The following ZMYND8 variants were observed in gnomAD, a reference collection of about 807,000 sequenced individuals.
The protein encoded by ZMYND8 is MYND-type zinc finger-containing chromatin reader ZMYND8.
In ZMYND8, 37 loss-of-function variants were observed where a neutral mutation model predicts 140.8. The ratio of observed to expected loss-of-function variants is 0.26; its 90% CI spans 0.20 to 0.35. The LOEUF (loss-of-function observed/expected upper bound fraction) is 0.35, where lower values mean the gene tolerates loss of function less well. Among genes scored for constraint, ZMYND8 ranks in the 10% least tolerant of loss-of-function variants. The pLI is 1.00. For missense variants in ZMYND8, 1,068 were observed against 1,570.0 expected, an observed-to-expected ratio of 0.68 and a Z score of 5.40; for synonymous variants, 592 against 597.1, an observed-to-expected ratio of 0.99 and a Z score of 0.12.
rs1427090489 is a variant in ZMYND8 at position 47,212,641 on chromosome 20, C to T, written c.3568+1G>A. 1.2e-6 allele frequency: 2 copies of T among 1,613,828 alleles called. No individual in the cohort carries two copies. Among genetic ancestry groups the T allele is most frequent in the South Asian group, 1.1e-5 (1 of 91,082 alleles). On this transcript the variant is annotated splice_donor_variant, in intron 22 of 22. Transcript: ENST00000471951. LOFTEE classifies it high-confidence loss of function. The stretch of plus-strand genomic sequence containing the variant: ...CTTTCGTAAGACAGGTTCATACTTA[C>T]ACTTCTGGGCGGGGTAGTTGGGGTG...
At chr20:47,221,529 G>C in intron 19 of ZMYND8, 55 bp from the exon 20 acceptor site, 5 of 1,579,888 alleles carry the variant, frequency 3.2e-6, no homozygotes, top group Non-Finnish European at 4.3e-6. Flanking sequence ...CGATGATTTT[G>C]AAACATGCAT....
chr20:47,256,207 T>C (rs538214174), intron 12 of ZMYND8, among the ~76,000 whole-genome samples: 58 of 152,146 alleles, frequency 3.8e-4, no homozygotes, highest in African/African-American at 1.4e-3. Context: ...TGGCCAGGCA[T>C]GGTGGCTCAT....
intron 3 of ZMYND8, among the ~76,000 whole-genome samples, chr20:47,301,106 C>T (rs1006574330): frequency 6.6e-6 from 1 of 151,476 alleles, no homozygotes; most frequent in African/African-American, 2.4e-5. Context: ...TCTCTATTCT[C>T]ATTTCTGCAA....
chr20:47,239,139 C>T lies in ZMYND8; in HGVS notation c.2285-1G>A, dbSNP rs2039629833. 5 of 1,490,600 alleles carry T rather than the reference C, an allele frequency of 3.4e-6. No homozygotes were observed. The highest frequency in any genetic ancestry group is 1.8e-4 in the Middle Eastern group (1 of 5,512). 92.3% of individuals were successfully genotyped at this position (1,490,600 alleles called of 1,614,324 possible). A position where few individuals can be genotyped will look rare whatever the true frequency, so the allele number is the denominator to read the frequency against. On this transcript the variant is annotated splice_acceptor_variant, in intron 14 of 22. Transcript: ENST00000471951. LOFTEE classifies it high-confidence loss of function. ...GTGGATGGTGGAGTTTTACCTACAA[C>T]TAGCCAATGCATGAAGAAAAAACAA...
chr20:47,288,991 A>G (rs1027841618), intron 7 of ZMYND8, among the ~76,000 whole-genome samples: 2 of 151,986 alleles, frequency 1.3e-5, no homozygotes, highest in African/African-American at 4.8e-5. Context: ...AATCCCAGCT[A>G]CTCGGGAGGC....
At chr20:47,330,928 AT>A (rs1421618558) in intron 2 of ZMYND8, among the ~76,000 whole-genome samples, 1 of 152,224 alleles carries the variant, frequency 6.6e-6, no homozygotes, top group East Asian at 1.9e-4. Flanking sequence ...ACTCATCCTC[AT>A]TTTGAGCCTT....
intron 12 of ZMYND8, among the ~76,000 whole-genome samples, chr20:47,261,010 T>C (rs1207929855): frequency 6.6e-6 from 1 of 152,000 alleles, no homozygotes; most frequent in African/African-American, 2.4e-5. Context: ...TCACCTTAGG[T>C]TGGGAGTTCG....
chr20:47,317,119 CA>C (rs561824807), intron 2 of ZMYND8, among the ~76,000 whole-genome samples: 251 of 152,274 alleles, frequency 1.6e-3, no homozygotes, highest in Admixed American at 2.6e-3. Context: ...AGCACACTCT[CA>C]TTTTGCCTTT....
chr20:47,268,108 T>C (rs952264320), intron 11 of ZMYND8, among the ~76,000 whole-genome samples: 1 of 152,152 alleles, frequency 6.6e-6, no homozygotes, highest in Non-Finnish European at 1.5e-5. Context: ...CATAAAATAA[T>C]TGAAGAAGGA....
chr20:47,264,738 G>A (rs1476141941), intron 11 of ZMYND8, among the ~76,000 whole-genome samples: 1 of 152,106 alleles, frequency 6.6e-6, no homozygotes, highest in Non-Finnish European at 1.5e-5. Context: ...TTTGTTACAC[G>A]AAGAAACAAG....
At chr20:47,351,929 G>C in intron 1 of ZMYND8, 1 of 985,368 alleles carries the variant, frequency 1.0e-6, no homozygotes, top group Non-Finnish European at 1.2e-6. Context: ...CCAACGTTTA[G>C]AAGCTTAAAA....
rs182162126 is a variant in ZMYND8 at position 47,334,005 on chromosome 20, G to A, written c.85+13851C>T. On this transcript the variant is annotated intron_variant, in intron 2 of 22. Transcript: ENST00000471951. ...TAAGCATCGAATATACATAACCTAG[G>A]GAACATCATAGCTTAGCCTAGCCTA... is the stretch of plus-strand genomic sequence containing the variant. Among the ~76,000 whole-genome samples the A allele has an allele frequency of 4.9e-3, 748 of 152,256 alleles. 10 individuals are homozygous for A. The highest frequency in any genetic ancestry group is 0.023 in the Admixed American group (352 of 15,292).
At chr20:47,336,108 T>C (rs1055602632) in intron 2 of ZMYND8, among the ~76,000 whole-genome samples, 1 of 152,234 alleles carries the variant, frequency 6.6e-6, no homozygotes, top group African/African-American at 2.4e-5. Flanking sequence ...AAGAGTTTCC[T>C]TGAAAAATGA....
chr20:47,309,664 G>A (rs1347680113), intron 3 of ZMYND8, among the ~76,000 whole-genome samples: 1 of 151,918 alleles, frequency 6.6e-6, no homozygotes, highest in Non-Finnish European at 1.5e-5. Context: ...CTTGCCTCAA[G>A]CCAAGCAACC....
At chr20:47,253,775 C>A (rs1345441732) in intron 12 of ZMYND8, among the ~76,000 whole-genome samples, 1 of 152,196 alleles carries the variant, frequency 6.6e-6, no homozygotes, top group Non-Finnish European at 1.5e-5. Context: ...CGTGTCTACA[C>A]GTATGGCTAC....
intron 17 of ZMYND8, 55 bp from the exon 18 acceptor site, chr20:47,227,336 G>C (rs11906404): frequency 0.055 from 86,739 of 1,563,938 alleles, 5,268 homozygotes; most frequent in African/African-American, 0.26. Context: ...TTCACCAGGA[G>C]GGCTCAGAAG....
At chr20:47,259,169 CA>C (rs1212379267) in intron 12 of ZMYND8, among the ~76,000 whole-genome samples, 1 of 152,184 alleles carries the variant, frequency 6.6e-6, no homozygotes, top group Non-Finnish European at 1.5e-5. Context: ...GAGGAAATGT[CA>C]CCGTGAGAAC....
intron 2 of ZMYND8, chr20:47,320,319 C>G (rs1034692626): frequency 6.6e-6 from 1 of 152,288 alleles, no homozygotes; most frequent in South Asian, 2.1e-4. Context: ...ACTGAAACGC[C>G]AGGTACGAAG....
intron 12 of ZMYND8, among the ~76,000 whole-genome samples, chr20:47,258,930 A>G (rs868704365): frequency 3.5e-4 from 54 of 152,218 alleles, no homozygotes; most frequent in African/African-American, 1.2e-3. Context: ...GCTGACGAAG[A>G]TAAGAAATGT....
Sources: gnomAD v4.1 joint callset for allele counts (sites outside exome capture counted in the v4.1 genomes callset) on GRCh38, gnomAD v4.1.1 for gene constraint, MANE v1.5 for transcripts, NCBI Gene and HGNC (gene_info 2026-07-23, HGNC 2026-07-21) for gene names.